The following PCDH15 variants were observed in gnomAD, a reference collection of about 807,000 sequenced individuals.
PCDH15 encodes protocadherin-15.
In PCDH15, 129 loss-of-function variants were observed where a neutral mutation model predicts 178.5. The observed-to-expected ratio is 0.72, with a 90% CI of 0.63 to 0.84. The LOEUF is 0.84. Among genes scored for constraint, PCDH15 ranks in the 40% least tolerant of loss-of-function variants. The pLI is 0.00. For synonymous variants in PCDH15, 800 were observed against 732.0 expected (o/e 1.09, Z -1.50); for missense variants, 2,230 against 2,099.9 (o/e 1.06, Z -1.21).
intron 8 of PCDH15, among the ~76,000 whole-genome samples, chr10:54,266,531 A>G (rs1358114917): frequency 6.6e-6 from 1 of 151,972 alleles, no homozygotes; most frequent in Non-Finnish European, 1.5e-5. Flanking sequence ...TGGTTCTTTG[A>G]AAGTTTAAAC....
intron 3 of PCDH15, among the ~76,000 whole-genome samples, chr10:54,481,884 G>A (rs1457546788): frequency 6.6e-6 from 1 of 151,690 alleles, no homozygotes; most frequent in African/African-American, 2.4e-5. Flanking sequence ...AGATTTCAAT[G>A]TCCAAAGCAA....
At position 55,088,765 on chromosome 10, in the gene PCDH15, A is replaced by T. The variant is rs1169075600; in HGVS notation, c.-80+77811T>A. On this transcript the variant is annotated intron_variant, in intron 2 of 5. Transcript: ENST00000458638. ...TACATTACATATAATATAAACACACAATTTAAAGAATACCTTCATAAATAA... is the reference window on the plus strand; with the variant it reads ...TACATTACATATAATATAAACACACTATTTAAAGAATACCTTCATAAATAA... 4.6e-5 allele frequency among the ~76,000 whole-genome samples: 7 copies of T among 151,938 alleles called. No individual in the cohort carries two copies. In the East Asian group the frequency reaches 1.4e-3, roughly 30 times the overall value.
Position 55,281,778 on chromosome 10 carries a change from T to C in PCDH15, c.-156+37821A>G, listed in dbSNP as rs1017970043. On this transcript the variant is annotated intron_variant, in intron 1 of 5. Transcript: ENST00000458638. ...AACTTCTCACTCTACACAAAAAGAG[T>C]CCTATTCCAGAATTTTCTCTTTTGA... 2.0e-5 allele frequency among the ~76,000 whole-genome samples: 3 copies of C among 151,578 alleles called. No homozygotes were observed. The East Asian group carries it at 5.8e-4, about 29-fold the overall frequency.
intron 10 of PCDH15, among the ~76,000 whole-genome samples, chr10:54,199,518 A>T (rs1334894054): frequency 6.6e-6 from 1 of 151,028 alleles, no homozygotes; most frequent in East Asian, 1.9e-4. Context: ...TATTGAGATA[A>T]ATACTTCTGT....
chr10:55,077,396 T>TCC (rs1387701662), intron 2 of PCDH15, among the ~76,000 whole-genome samples: 23 of 140,984 alleles, frequency 1.6e-4, no homozygotes, highest in African/African-American at 5.7e-4. Flanking sequence ...GGTGGTTTTC[T>TCC]CTCTTCCTTC....
chr10:55,273,850 C>T (rs1842514098), intron 1 of PCDH15, among the ~76,000 whole-genome samples: 1 of 152,030 alleles, frequency 6.6e-6, no homozygotes, highest in Admixed American at 6.6e-5. Context: ...AATTCACAAA[C>T]AATTTGAAAC....
At chr10:54,722,532 C>T (rs1048374153) in intron 1 of PCDH15, among the ~76,000 whole-genome samples, 2 of 149,580 alleles carry the variant, frequency 1.3e-5, no homozygotes, top group African/African-American at 4.9e-5. Context: ...TGATCTTTGC[C>T]TGATCTTTCT....
intron 15 of PCDH15, among the ~76,000 whole-genome samples, chr10:54,126,101 C>T (rs1432401521): frequency 3.4e-5 from 5 of 146,094 alleles, no homozygotes; most frequent in South Asian, 2.1e-4. Flanking sequence ...GACCGAATCT[C>T]GCTCTGTGGC....
intron 2 of PCDH15, among the ~76,000 whole-genome samples, chr10:54,542,618 C>G (rs2133002630): frequency 6.6e-6 from 1 of 152,270 alleles, no homozygotes; most frequent in South Asian, 2.1e-4. Context: ...TAACACCTTC[C>G]TTAGAGCCAT....
chr10:54,863,568 G>A (rs1358820945), intron 3 of PCDH15, among the ~76,000 whole-genome samples: 1 of 152,106 alleles, frequency 6.6e-6, no homozygotes, highest in Non-Finnish European at 1.5e-5. Context: ...TTGACTGAAT[G>A]TTGTTCTACA....
chr10:55,321,728 A>G (rs987673497), upstream of PCDH15, among the ~76,000 whole-genome samples: 11 of 152,232 alleles, frequency 7.2e-5, no homozygotes, highest in African/African-American at 2.7e-4. Flanking sequence ...AATAAATTCC[A>G]ACCAAGAATT....
chr10:55,285,278 C>T (rs958783651), intron 1 of PCDH15, among the ~76,000 whole-genome samples: 2 of 150,040 alleles, frequency 1.3e-5, no homozygotes, highest in Non-Finnish European at 3.0e-5. Flanking sequence ...GACATAAAAT[C>T]GATTTTTAAA....
chr10:55,273,045 C>A (rs1282657470), intron 1 of PCDH15, among the ~76,000 whole-genome samples: 1 of 151,960 alleles, frequency 6.6e-6, no homozygotes, highest in Non-Finnish European at 1.5e-5. Context: ...TAAGCCCAAG[C>A]AGATTGTTGC....
intron 3 of PCDH15, among the ~76,000 whole-genome samples, chr10:54,480,395 G>C (rs2078630060): frequency 6.6e-6 from 1 of 151,950 alleles, no homozygotes; most frequent in South Asian, 2.1e-4. Flanking sequence ...GCACTGGTGG[G>C]CCTCAGCAAA....
At chr10:55,127,963 G>T (rs1217115525) in intron 2 of PCDH15, among the ~76,000 whole-genome samples, 1 of 151,986 alleles carries the variant, frequency 6.6e-6, no homozygotes, top group Non-Finnish European at 1.5e-5. Context: ...TGGTTTTCAA[G>T]ATTGTGAAAT....
At chr10:55,105,415 G>A (rs1278669551) in intron 2 of PCDH15, among the ~76,000 whole-genome samples, 1 of 151,800 alleles carries the variant, frequency 6.6e-6, no homozygotes, top group Non-Finnish European at 1.5e-5. Context: ...GTATTTCTAG[G>A]GTTTTAAAAA....
At chr10:54,957,716 T>G (rs1188557869) in intron 2 of PCDH15, among the ~76,000 whole-genome samples, 1 of 151,622 alleles carries the variant, frequency 6.6e-6, no homozygotes, top group African/African-American at 2.4e-5. Context: ...ATTATTTACA[T>G]CTCCAACGTA....
intron 23 of PCDH15, among the ~76,000 whole-genome samples, chr10:53,943,137 A>C (rs984888903): frequency 2.0e-5 from 3 of 152,096 alleles, no homozygotes; most frequent in African/African-American, 7.2e-5. Flanking sequence ...GCTATTCCTT[A>C]TACAGTATGG....
intron 15 of PCDH15, among the ~76,000 whole-genome samples, chr10:54,131,774 C>A (rs2042457263): frequency 1.3e-5 from 2 of 152,128 alleles, no homozygotes; most frequent in Non-Finnish European, 2.9e-5. Flanking sequence ...ACTCAATCAA[C>A]TGATTTTAAG....
Sources: gnomAD v4.1 joint callset for allele counts (sites outside exome capture counted in the v4.1 genomes callset) on GRCh38, gnomAD v4.1.1 for gene constraint, MANE v1.5 for transcripts, NCBI Gene and HGNC (gene_info 2026-07-23, HGNC 2026-07-21) for gene names.